Variants in B4GALT6 observed in about 807,000 individuals in gnomAD.
The protein encoded by B4GALT6 is UDP-Gal:beta-GlcNAc beta-1,4-galactosyltransferase 6.
B4GALT6 carries 14 observed loss-of-function variants against 46.3 expected under a neutral mutation model. That is an observed-to-expected ratio of 0.30 (90% CI 0.20 to 0.47). The LOEUF (loss-of-function observed/expected upper bound fraction) is 0.47, where lower values mean the gene tolerates loss of function less well. B4GALT6 is among the 20% of genes least tolerant of loss of function. The pLI is 0.99. For synonymous variants in B4GALT6, 168 were observed against 162.0 expected (o/e 1.04, Z -0.28); for missense variants, 386 against 480.1 (o/e 0.80, Z 1.83).
At chr18:31,673,670 A>G (rs2074383193) in intron 1 of B4GALT6, among the ~76,000 whole-genome samples, 2 of 152,218 alleles carry the variant, frequency 1.3e-5, no homozygotes. Flanking sequence ...ATATATGTTA[A>G]GTACACATAC....
the B4GALT6 span, among the ~76,000 whole-genome samples, chr18:31,714,604 T>G: frequency 1.3e-5 from 2 of 152,208 alleles, no homozygotes; most frequent in African/African-American, 4.8e-5. Context: ...ATAATCTCTT[T>G]GCCCACTCTG....
At position 31,624,663 on chromosome 18, in the gene B4GALT6, T is replaced by C. The variant is rs987427043; in HGVS notation, c.*951A>G. ...TTGATTTCTTTTTAAATGAAGATAC[T>C]TTTTTTTGGCTCTTCTGAACTGGAA... On this transcript the variant is annotated 3_prime_UTR_variant, in exon 9 of 9. Coordinates refer to ENST00000306851, the MANE Select transcript of B4GALT6 (RefSeq NM_004775.5). 2.0e-5 allele frequency: 3 copies of C among 151,746 alleles called. No homozygotes were observed. The highest frequency in any genetic ancestry group is 1.9e-4 in the East Asian group (1 of 5,194). 9.4% of individuals were successfully genotyped at this position (151,746 alleles called of 1,614,324 possible).
At chr18:31,724,320 G>C in the B4GALT6 span, 2 of 575,178 alleles carry the variant, frequency 3.5e-6, no homozygotes, top group Non-Finnish European at 5.3e-6. Flanking sequence ...AACTATTGTG[G>C]CTACTAGTCC....
At chr18:31,691,606 TTC>T in the B4GALT6 span, among the ~76,000 whole-genome samples, 8 of 152,106 alleles carry the variant, frequency 5.3e-5, no homozygotes, top group Admixed American at 6.5e-5. Flanking sequence ...CCATTTTCTA[TTC>T]ATTTATTATC....
Position 31,624,198 on chromosome 18 carries a change from T to C in B4GALT6, c.*1416A>G, listed in dbSNP as rs1023140961. On this transcript the variant is annotated 3_prime_UTR_variant, in exon 9 of 9. Coordinates refer to ENST00000306851, the MANE Select transcript of B4GALT6 (RefSeq NM_004775.5). Reference sequence around the variant, plus strand: ...CTGACACTCATGCAAACATGTAAGATATTACATATAGAAGACATTATGGCA... The same window carrying C: ...CTGACACTCATGCAAACATGTAAGACATTACATATAGAAGACATTATGGCA... 2.6e-5 allele frequency: 4 copies of C among 151,974 alleles called. No individual in the cohort carries two copies. Among genetic ancestry groups the C allele is most frequent in the Non-Finnish European group, 5.9e-5 (4 of 67,884 alleles). 9.4% of individuals were successfully genotyped at this position (151,974 alleles called of 1,614,324 possible).
chr18:31,684,469 G>C lies in B4GALT6; in HGVS notation c.-43C>G, dbSNP rs375350444. Reference sequence around the variant, plus strand: ...GCAGCCCAGGCTGCGCTCTCAGGCCGGACTCGGGGCCACTGTCCAGGCCCT... The same window carrying C: ...GCAGCCCAGGCTGCGCTCTCAGGCCCGACTCGGGGCCACTGTCCAGGCCCT... On this transcript the variant is annotated 5_prime_UTR_variant, in exon 1 of 9. Transcript: ENST00000306851. 1.2e-6 allele frequency: 2 copies of C among 1,600,702 alleles called. No homozygotes were observed. The highest frequency in any genetic ancestry group is 1.7e-6 in the Non-Finnish European group (2 of 1,173,384).
At position 31,660,657 on chromosome 18, in the gene B4GALT6, AGAAAG is replaced by A. The variant is rs142744322; in HGVS notation, c.233-2573_233-2569del. Among the ~76,000 whole-genome samples the A allele has an allele frequency of 2.5e-3, 386 of 152,312 alleles. 2 individuals carry two copies. Among genetic ancestry groups the A allele is most frequent in the African/African-American group, 9.0e-3 (376 of 41,582 alleles). On this transcript the variant is annotated intron_variant, in intron 2 of 8. Transcript: ENST00000306851. ...AGTCAGAGCAATCTCCCAGAAAGATAGAAAGGAAAGAAAAAGAATTGAAAAACGAG... is the reference window on the plus strand; with the variant it reads ...AGTCAGAGCAATCTCCCAGAAAGATAGAAAGAAAAAGAATTGAAAAACGAG...
intron 5 of B4GALT6, among the ~76,000 whole-genome samples, chr18:31,634,072 G>A (rs1339798591): frequency 6.6e-6 from 1 of 152,138 alleles, no homozygotes; most frequent in African/African-American, 2.4e-5. Context: ...TTTCTCTAGC[G>A]AAGACACCAC....
the B4GALT6 span, among the ~76,000 whole-genome samples, chr18:31,702,763 A>ACTTCT: frequency 1.3e-5 from 2 of 152,214 alleles, no homozygotes; most frequent in Non-Finnish European, 1.5e-5. Context: ...CCAAGGCCCC[A>ACTTCT]CTTCTCTTCT....
At chr18:31,709,715 C>T in the B4GALT6 span, among the ~76,000 whole-genome samples, 10 of 151,204 alleles carry the variant, frequency 6.6e-5, no homozygotes, top group South Asian at 4.2e-4. Flanking sequence ...TCTAAGATAC[C>T]GACAATTTAA....
chr18:31,694,376 C>T, the B4GALT6 span, among the ~76,000 whole-genome samples: 1 of 152,176 alleles, frequency 6.6e-6, no homozygotes, highest in Non-Finnish European at 1.5e-5. Context: ...AGTACTACTG[C>T]TTGCATTAAG....
In B4GALT6 at chr18:31,627,263, C is replaced by G. The variant is rs7239174; in HGVS notation, c.777-142G>C. On this transcript the variant is annotated intron_variant, in intron 6 of 8. Coordinates refer to ENST00000306851, the MANE Select transcript of B4GALT6 (RefSeq NM_004775.5). ...ATTATGTTAGAAAATGTAAAGTACA[C>G]CAAGACATAAAACATTTTTATATTC... is the stretch of plus-strand genomic sequence containing the variant. 9,508 of 600,860 alleles carry G rather than the reference C, an allele frequency of 0.016. 728 individuals are homozygous for G. The African/African-American group carries it at 0.17, about 10-fold the overall frequency. The allele number at this position is 600,860 out of a possible 1,614,324, so 37.2% of individuals were successfully genotyped here.
intron 2 of B4GALT6, among the ~76,000 whole-genome samples, chr18:31,660,977 T>C (rs942953782): frequency 1.3e-5 from 2 of 152,112 alleles, no homozygotes; most frequent in South Asian, 2.1e-4. Context: ...GAGAAGACAA[T>C]GGCATGGGAA....
At chr18:31,694,443 C>T in the B4GALT6 span, among the ~76,000 whole-genome samples, 2 of 152,206 alleles carry the variant, frequency 1.3e-5, no homozygotes, top group South Asian at 2.1e-4. Flanking sequence ...GACTGAATAT[C>T]TTTAAACACA....
At chr18:31,672,658 T>C (rs2074369736) in intron 1 of B4GALT6, among the ~76,000 whole-genome samples, 1 of 152,248 alleles carries the variant, frequency 6.6e-6, no homozygotes, top group Admixed American at 6.5e-5. Flanking sequence ...AAGCATACTT[T>C]ACATATACTA....
the B4GALT6 span, among the ~76,000 whole-genome samples, chr18:31,710,231 ACAC>A: frequency 6.6e-6 from 1 of 152,192 alleles, no homozygotes; most frequent in Non-Finnish European, 1.5e-5. Context: ...GCTAAAATAG[ACAC>A]CAAGTAAGTG....
At chr18:31,719,700 G>A in the B4GALT6 span, among the ~76,000 whole-genome samples, 40 of 152,256 alleles carry the variant, frequency 2.6e-4, no homozygotes, top group African/African-American at 8.9e-4. Flanking sequence ...ATAATTTGGC[G>A]AGTAGGGGTA....
the B4GALT6 span, among the ~76,000 whole-genome samples, chr18:31,700,832 G>T: frequency 2.0e-5 from 3 of 151,998 alleles, no homozygotes; most frequent in African/African-American, 7.3e-5. Flanking sequence ...TATCAACCTG[G>T]ATCTCAGAGT....
chr18:31,631,763 T>C (rs1472594909), intron 5 of B4GALT6, among the ~76,000 whole-genome samples: 1 of 152,206 alleles, frequency 6.6e-6, no homozygotes, highest in African/African-American at 2.4e-5. Flanking sequence ...TAACTTTCTA[T>C]TATTAATGCT....
Sources: gnomAD v4.1 joint callset for allele counts (sites outside exome capture counted in the v4.1 genomes callset) on GRCh38, gnomAD v4.1.1 for gene constraint, MANE v1.5 for transcripts, NCBI Gene and HGNC (gene_info 2026-07-23, HGNC 2026-07-21) for gene names.